The following IPPK variants were observed in gnomAD, a reference collection of about 807,000 sequenced individuals.
IPPK encodes IPK1 homolog.
IPPK carries 22 observed loss-of-function variants against 64.6 expected under a neutral mutation model. The ratio of observed to expected loss-of-function variants is 0.34; its 90% confidence interval spans 0.24 to 0.49. IPPK has a LOEUF of 0.49. Ranked by LOEUF, IPPK falls within the 20% of genes least tolerant of loss-of-function variation. IPPK has a pLI of 0.99. For synonymous variants in IPPK, 262 were observed against 247.2 expected (o/e 1.06, Z -0.56); for missense variants, 532 against 630.7 (o/e 0.84, Z 1.68).
chr9:92,652,742 G>A (rs1852294044), intron 3 of IPPK, 103 bp from the exon 4 acceptor site: 1 of 542,692 alleles, frequency 1.8e-6, no homozygotes, highest in Non-Finnish European at 3.3e-6. Flanking sequence ...TGGTTTTTAT[G>A]TTATGTGTAA....
rs148092729 is a variant in IPPK at position 92,644,049 on chromosome 9, C to T, written c.505-1239G>A. Among the ~76,000 whole-genome samples the T allele has an allele frequency of 3.3e-3, 501 of 152,270 alleles. 1 individual carries two copies. The highest frequency in any genetic ancestry group is 0.011 in the African/African-American group (461 of 41,542). On this transcript the variant is annotated intron_variant, in intron 6 of 12. Transcript: ENST00000287996. ...ATTGCATCCCAAGGGGCATGGCTCA[C>T]ATAACCGTCTTTCCCCTAAGAGCTT...
chr9:92,627,530 T>C (rs1851755913), intron 11 of IPPK, among the ~76,000 whole-genome samples: 1 of 152,092 alleles, frequency 6.6e-6, no homozygotes, highest in South Asian at 2.1e-4. Context: ...AGCCCAGAAA[T>C]ACAAAGTTGG....
intron 11 of IPPK, among the ~76,000 whole-genome samples, chr9:92,626,359 T>C (rs1851733524): frequency 6.6e-6 from 1 of 152,110 alleles, no homozygotes; most frequent in African/African-American, 2.4e-5. Flanking sequence ...ATCGCACCAC[T>C]GCACTCCAGC....
chr9:92,633,635 A>G (rs1851884934), intron 11 of IPPK, among the ~76,000 whole-genome samples: 2 of 152,216 alleles, frequency 1.3e-5, no homozygotes, highest in Admixed American at 1.3e-4. Context: ...CAAAGTGCTG[A>G]GCCAAAATAT....
intron 1 of IPPK, among the ~76,000 whole-genome samples, chr9:92,660,395 C>T (rs1852458417): frequency 6.6e-6 from 1 of 152,202 alleles, no homozygotes; most frequent in African/African-American, 2.4e-5. Context: ...TCACCCTGTC[C>T]CTCACACAGG....
intron 9 of IPPK, among the ~76,000 whole-genome samples, chr9:92,636,049 G>A (rs1851936854): frequency 2.0e-5 from 3 of 152,162 alleles, no homozygotes; most frequent in Admixed American, 2.0e-4. Flanking sequence ...GCCACTCACA[G>A]TTGTTTGGCA....
In IPPK at chr9:92,670,044, G is replaced by GC. The variant is rs896376498; in HGVS notation, c.-57dup. 14 of 1,326,730 alleles carry GC rather than the reference G, an allele frequency of 1.1e-5. No individual in the cohort carries two copies. Among genetic ancestry groups the GC allele is most frequent in the African/African-American group, 3.0e-5 (2 of 65,816 alleles). The allele number at this position is 1,326,730 out of a possible 1,614,324, so 82.2% of individuals were successfully genotyped here. Reference sequence around the variant, plus strand: ...TAGGACTCGGGGACGCGAGCTGGGGGCCGCCCGCCTCGCTGGGAACCAGCC... The same window carrying GC: ...TAGGACTCGGGGACGCGAGCTGGGGGCCCGCCCGCCTCGCTGGGAACCAGCC... On this transcript the variant is annotated 5_prime_UTR_variant, in exon 1 of 13. Coordinates refer to ENST00000287996, the MANE Select transcript of IPPK (RefSeq NM_022755.6).
intron 3 of IPPK, among the ~76,000 whole-genome samples, chr9:92,654,689 G>T (rs1359912293): frequency 6.6e-6 from 1 of 152,212 alleles, no homozygotes; most frequent in African/African-American, 2.4e-5. Flanking sequence ...TCCTGGAGCT[G>T]TCCCCTGGAA....
Position 92,635,455 on chromosome 9 carries a change from T to A in IPPK, c.917-147A>T. The A allele has an allele frequency of 1.2e-6, 1 of 801,360 alleles. No homozygotes were observed. The highest frequency in any genetic ancestry group is 1.9e-6 in the Non-Finnish European group (1 of 524,106). 49.6% of individuals were successfully genotyped at this position (801,360 alleles called of 1,614,324 possible). A position where few individuals can be genotyped will look rare whatever the true frequency, so the allele number is the denominator to read the frequency against. ...CAAGGACTGCACCCTGGACTGGCAC[T>A]AAGGACAGACGAGATGACGCTCCCG... On this transcript the variant is annotated intron_variant, in intron 9 of 12. Coordinates refer to ENST00000287996, the MANE Select transcript of IPPK (RefSeq NM_022755.6). This position sits in a 1 kb window ranked among gnomAD's most constrained non-coding sequence, Gnocchi z 4.4.
At chr9:92,650,356 A>C (rs1852241156) in intron 4 of IPPK, among the ~76,000 whole-genome samples, 1 of 152,100 alleles carries the variant, frequency 6.6e-6, no homozygotes, top group Non-Finnish European at 1.5e-5. Flanking sequence ...AAAACAAAAA[A>C]TAACTTGGTT....
At chr9:92,618,878 G>A (rs1338574611) in intron 12 of IPPK, 1 of 341,666 alleles carries the variant, frequency 2.9e-6, no homozygotes, top group African/African-American at 2.1e-5. Context: ...CAAATACTGG[G>A]TGCAGGGTTT....
At chr9:92,636,903 T>C (rs1587628627) in intron 9 of IPPK, among the ~76,000 whole-genome samples, 1 of 152,154 alleles carries the variant, frequency 6.6e-6, no homozygotes, top group African/African-American at 2.4e-5. Context: ...CCATCTGTCG[T>C]TGCAGACACA....
intron 4 of IPPK, among the ~76,000 whole-genome samples, chr9:92,650,179 T>C (rs1161037839): frequency 6.7e-6 from 1 of 150,166 alleles, no homozygotes; most frequent in Non-Finnish European, 1.5e-5. Context: ...AAAAATTAGC[T>C]GGGCGTGGTG....
At chr9:92,631,471 C>T (rs865884435) in intron 11 of IPPK, among the ~76,000 whole-genome samples, 11 of 152,156 alleles carry the variant, frequency 7.2e-5, no homozygotes, top group Non-Finnish European at 1.3e-4. Flanking sequence ...CGTAAGCTGC[C>T]GTACCCGGCC....
intron 12 of IPPK, chr9:92,617,564 C>T (rs1159176085): frequency 6.5e-6 from 1 of 152,946 alleles, no homozygotes; most frequent in Non-Finnish European, 1.5e-5. Context: ...TCCCTTGTGC[C>T]ACAAGTGTGC....
chr9:92,628,634 G>GGGA (rs1851776839), intron 11 of IPPK, among the ~76,000 whole-genome samples: 1 of 152,200 alleles, frequency 6.6e-6, no homozygotes, highest in Admixed American at 6.5e-5. Flanking sequence ...CCAGTACTTT[G>GGGA]GGAGGCTGAG....
intron 3 of IPPK, 89 bp from the exon 4 acceptor site, chr9:92,652,728 C>A: frequency 1.6e-6 from 1 of 609,300 alleles, no homozygotes; most frequent in South Asian, 2.8e-5. Flanking sequence ...AACAGTTGAG[C>A]TGTTGGTTTT....
chr9:92,632,870 T>G (rs1851870169), intron 11 of IPPK, among the ~76,000 whole-genome samples: 1 of 152,168 alleles, frequency 6.6e-6, no homozygotes, highest in Non-Finnish European at 1.5e-5. Context: ...ACAGGGCAAG[T>G]GGGTCCCAGG....
intron 11 of IPPK, among the ~76,000 whole-genome samples, chr9:92,629,608 C>T (rs904900941): frequency 1.3e-5 from 2 of 150,940 alleles, no homozygotes; most frequent in Non-Finnish European, 2.9e-5. Flanking sequence ...AAAAATTAGC[C>T]AGGGATGGTG....
Sources: allele counts gnomAD v4.1 joint callset (sites outside exome capture counted in the v4.1 genomes callset), GRCh38; gene constraint gnomAD v4.1.1; non-coding constraint Gnocchi (gnomAD v3.1); transcripts MANE v1.5; gene names NCBI Gene and HGNC (gene_info 2026-07-23, HGNC 2026-07-21).